Variants in GPC6 observed in about 807,000 individuals in gnomAD.
GPC6 encodes the protein glypican-6.
Under a neutral mutation model 55.2 loss-of-function variants are expected in GPC6, and 14 were observed. That is an observed-to-expected ratio of 0.25 (90% confidence interval 0.17 to 0.40). The LOEUF is 0.40. Ranked by LOEUF, GPC6 falls within the 10% of genes least tolerant of loss-of-function variation. The pLI is 1.00. For missense variants in GPC6, 641 were observed against 708.5 expected, an observed-to-expected ratio of 0.90 and a Z score of 1.08; for synonymous variants, 278 against 259.6, an observed-to-expected ratio of 1.07 and a Z score of -0.68.
At chr13:93,298,694 C>T (rs9516209) in intron 1 of GPC6, among the ~76,000 whole-genome samples, 30,015 of 151,756 alleles carry the variant, frequency 0.2, 3,182 homozygotes, top group Non-Finnish European at 0.24. Context: ...GCAATTGGCC[C>T]GCCTCAGCCT....
At chr13:94,223,216 A>T (rs981826604) in intron 4 of GPC6, among the ~76,000 whole-genome samples, 1 of 152,142 alleles carries the variant, frequency 6.6e-6, no homozygotes, top group Non-Finnish European at 1.5e-5. Flanking sequence ...CTCATGTGTT[A>T]TGTAAACTCT....
chr13:94,351,097 GC>G (rs1213706229), intron 6 of GPC6, among the ~76,000 whole-genome samples: 1 of 152,140 alleles, frequency 6.6e-6, no homozygotes, highest in East Asian at 1.9e-4. Flanking sequence ...TAAAGTCTCA[GC>G]TATACTAAAC....
intron 4 of GPC6, among the ~76,000 whole-genome samples, chr13:94,236,232 C>G (rs1890872639): frequency 6.6e-6 from 1 of 152,068 alleles, no homozygotes; most frequent in South Asian, 2.1e-4. Context: ...ATATTATTAG[C>G]CCCATTTATA....
intron 1 of GPC6, among the ~76,000 whole-genome samples, chr13:93,383,417 A>G (rs1204198972): frequency 6.6e-6 from 1 of 152,078 alleles, no homozygotes; most frequent in Non-Finnish European, 1.5e-5. Flanking sequence ...GAGTCTCGCC[A>G]TGTTGCTAAG....
chr13:93,690,250 C>A (rs1882209167), intron 2 of GPC6, among the ~76,000 whole-genome samples: 2 of 151,720 alleles, frequency 1.3e-5, no homozygotes, highest in South Asian at 4.2e-4. Flanking sequence ...CTGGGTAATA[C>A]CTAAAGTCAA....
chr13:93,307,948 A>G (rs1451780023), intron 1 of GPC6, among the ~76,000 whole-genome samples: 1 of 152,180 alleles, frequency 6.6e-6, no homozygotes, highest in African/African-American at 2.4e-5. Context: ...TTATCTGCCA[A>G]TTTACAAAAA....
intron 1 of GPC6, among the ~76,000 whole-genome samples, chr13:93,345,357 T>C (rs1880390819): frequency 6.6e-6 from 1 of 152,164 alleles, no homozygotes; most frequent in African/African-American, 2.4e-5. Context: ...CTTGTTACTA[T>C]GGTTATTTTT....
chr13:94,129,729 T>C (rs1886944896), intron 4 of GPC6, among the ~76,000 whole-genome samples: 1 of 152,172 alleles, frequency 6.6e-6, no homozygotes, highest in African/African-American at 2.4e-5. Flanking sequence ...TACTTTCTGT[T>C]TGAAAACCAC....
intron 1 of GPC6, among the ~76,000 whole-genome samples, chr13:93,289,136 C>T (rs1266376688): frequency 1.3e-5 from 2 of 152,126 alleles, no homozygotes; most frequent in Non-Finnish European, 2.9e-5. Flanking sequence ...TTATCGGTAC[C>T]ACATTGAAGC....
chr13:94,334,585 C>T (rs945065220), intron 6 of GPC6, among the ~76,000 whole-genome samples: 6 of 152,186 alleles, frequency 3.9e-5, no homozygotes, highest in Admixed American at 6.5e-5. Flanking sequence ...TGTTAGACAT[C>T]GAGTTCTCAA....
intron 1 of GPC6, among the ~76,000 whole-genome samples, chr13:93,315,923 CTAA>C (rs1879232282): frequency 6.6e-6 from 1 of 151,802 alleles, no homozygotes; most frequent in Admixed American, 6.6e-5. Context: ...GATCCTCTAG[CTAA>C]TATGCATATA....
intron 3 of GPC6, among the ~76,000 whole-genome samples, chr13:93,946,206 G>A (rs751272598): frequency 2.0e-5 from 3 of 152,156 alleles, no homozygotes; most frequent in Non-Finnish European, 2.9e-5. Flanking sequence ...TTGTATTTCC[G>A]CTATAGAGAT....
At chr13:94,195,320 G>T (rs1889536840) in intron 4 of GPC6, among the ~76,000 whole-genome samples, 2 of 152,036 alleles carry the variant, frequency 1.3e-5, no homozygotes, top group South Asian at 4.1e-4. Context: ...ATGGAAATTG[G>T]TTTGAAATTC....
chr13:94,027,665 C>CT (rs1337602519), intron 3 of GPC6, 64 bp from the exon 4 acceptor site: 4 of 1,458,350 alleles, frequency 2.7e-6, no homozygotes, highest in African/African-American at 1.4e-5. Context: ...GCTATTTTGT[C>CT]TTTTTTTCCT....
intron 3 of GPC6, among the ~76,000 whole-genome samples, chr13:93,832,122 A>AT (rs1223571882): frequency 8.3e-5 from 1 of 12,054 alleles, no homozygotes; most frequent in Non-Finnish European, 1.2e-4. Flanking sequence ...AAAAAAAAAA[A>AT]ATATATATAT....
At chr13:93,439,426 G>A (rs534613536) in intron 1 of GPC6, among the ~76,000 whole-genome samples, 51 of 152,150 alleles carry the variant, frequency 3.4e-4, no homozygotes, top group African/African-American at 1.0e-3. Flanking sequence ...TTTATAAAGG[G>A]GAGTTTCCCT....
intron 4 of GPC6, among the ~76,000 whole-genome samples, chr13:94,067,561 GAGATAGATAGATAGATTATAGATAGAT>G (rs1403574275): frequency 4.7e-5 from 7 of 150,004 alleles, no homozygotes; most frequent in Admixed American, 4.0e-4. Flanking sequence ...GAGTCCATGA[GAGATAGATAGATAGATTATAGATAGAT>G]AGATAGATAG....
At chr13:94,212,940 A>G (rs1890121721) in intron 4 of GPC6, among the ~76,000 whole-genome samples, 1 of 152,136 alleles carries the variant, frequency 6.6e-6, no homozygotes, top group East Asian at 1.9e-4. Flanking sequence ...GGCAGATCAC[A>G]AGGTCAGGAG....
At chr13:93,870,598 T>C (rs1286410257) in intron 3 of GPC6, among the ~76,000 whole-genome samples, 1 of 151,852 alleles carries the variant, frequency 6.6e-6, no homozygotes, top group East Asian at 2.0e-4. Context: ...TCTCAGGATG[T>C]GACTATATCT....
Sources: gnomAD v4.1 joint callset for allele counts (sites outside exome capture counted in the v4.1 genomes callset) on GRCh38, gnomAD v4.1.1 for gene constraint, MANE v1.5 for transcripts, NCBI Gene and HGNC (gene_info 2026-07-23, HGNC 2026-07-21) for gene names.